The following TOX3 variants were observed in gnomAD, a reference collection of about 807,000 sequenced individuals.
TOX3 encodes the protein CAG trinucleotide repeat-containing gene F9 protein.
A neutral mutation model predicts 64.3 loss-of-function variants in TOX3; 22 were observed. The observed-to-expected ratio is 0.34, with a 90% CI of 0.24 to 0.49. The LOEUF (loss-of-function observed/expected upper bound fraction) is 0.49. TOX3 is among the 20% of genes least tolerant of loss of function. The pLI is 0.99. For missense variants in TOX3, 661 were observed against 714.4 expected (o/e 0.93, Z 0.85); for synonymous variants, 291 against 273.6 (o/e 1.06, Z -0.63).
intron 1 of TOX3, among the ~76,000 whole-genome samples, chr16:52,488,033 C>A (rs1221076247): frequency 6.6e-6 from 1 of 152,188 alleles, no homozygotes; most frequent in Admixed American, 6.5e-5. Flanking sequence ...CAAAGGGAAA[C>A]TTCCAAGTGC....
intron 3 of TOX3, among the ~76,000 whole-genome samples, chr16:52,453,290 T>A (rs1487166247): frequency 6.6e-6 from 1 of 151,942 alleles, no homozygotes. Context: ...TTCAAGTGAT[T>A]CTCCTTCCTT....
At chr16:52,473,612 G>T (rs1413552075) in intron 1 of TOX3, among the ~76,000 whole-genome samples, 1 of 152,166 alleles carries the variant, frequency 6.6e-6, no homozygotes, top group Non-Finnish European at 1.5e-5. Flanking sequence ...GATCATCAAG[G>T]TTCAACCATT....
In TOX3 at chr16:52,442,503, A is replaced by AT. The variant is rs972599244; in HGVS notation, c.987+1772dup. On this transcript the variant is annotated intron_variant, in intron 6 of 6. Coordinates refer to ENST00000219746, the MANE Select transcript of TOX3 (RefSeq NM_001080430.4). ...CTTTCAGTTATTCTAACATGATGTG[A>AT]TTTTCAGTCCTCACTATCGTGGAGG... Among the ~76,000 whole-genome samples the AT allele has an allele frequency of 3.9e-5, 6 of 152,240 alleles. No homozygotes were observed. In the East Asian group the frequency reaches 9.6e-4, roughly 24 times the overall value.
In TOX3 at chr16:52,547,078, C is replaced by G; in HGVS notation, c.-355G>C. The G allele has an allele frequency of 2.1e-6, 1 of 468,366 alleles. No homozygotes were observed. The highest frequency in any genetic ancestry group is 2.8e-6 in the Non-Finnish European group (1 of 359,590). 29.0% of individuals were successfully genotyped at this position (468,366 alleles called of 1,614,324 possible). A position where few individuals can be genotyped will look rare whatever the true frequency, so the allele number is the denominator to read the frequency against. On this transcript the variant is annotated 5_prime_UTR_variant, in exon 1 of 7. Transcript: ENST00000219746. ...CTGGGCGAGGCTGGGACGGCGGCGG[C>G]GGCGGCGGCTGGCCCCGCTCCTCCT...
intron 1 of TOX3, among the ~76,000 whole-genome samples, chr16:52,540,746 T>G (rs1161695460): frequency 6.6e-6 from 1 of 152,132 alleles, no homozygotes; most frequent in African/African-American, 2.4e-5. Flanking sequence ...ATTTTGTGTG[T>G]TTTCATGTGA....
chr16:52,438,918 A>G lies in TOX3; in HGVS notation c.*307T>C, dbSNP rs759514266. On this transcript the variant is annotated 3_prime_UTR_variant, in exon 7 of 7. Coordinates refer to ENST00000219746, the MANE Select transcript of TOX3 (RefSeq NM_001080430.4). ...GAGAGGCCAGTTTATAGTCATCAGT[A>G]TGTCCCAGGATTCATTAAACAGTTT... 6 of 549,908 alleles carry G rather than the reference A, an allele frequency of 1.1e-5. No homozygotes were observed. In the East Asian group the frequency reaches 3.0e-4, roughly 27 times the overall value. 34.1% of individuals were successfully genotyped at this position (549,908 alleles called of 1,614,324 possible).
At chr16:52,450,593 T>C (rs1960309893) in intron 3 of TOX3, 47 bp from the exon 4 acceptor site, 1 of 1,609,696 alleles carries the variant, frequency 6.2e-7, no homozygotes, top group African/African-American at 1.3e-5. Context: ...CTTTTCCAGA[T>C]ATCAGTGAAC....
intron 1 of TOX3, among the ~76,000 whole-genome samples, chr16:52,500,275 A>G: frequency 6.6e-6 from 1 of 152,214 alleles, no homozygotes; most frequent in East Asian, 1.9e-4. Flanking sequence ...TGATTGGAGC[A>G]AAAACCAAAG....
intron 1 of TOX3, among the ~76,000 whole-genome samples, chr16:52,517,277 C>T (rs1035491710): frequency 2.0e-5 from 3 of 152,168 alleles, no homozygotes; most frequent in Non-Finnish European, 4.4e-5. Context: ...CCCGTGGTTC[C>T]CAGAGCCTTC....
At chr16:52,492,594 T>TATATATATATATATATATATAC (rs1596823340) in intron 1 of TOX3, among the ~76,000 whole-genome samples, 1 of 138,146 alleles carries the variant, frequency 7.2e-6, no homozygotes, top group Non-Finnish European at 1.5e-5. Context: ...TATATATATA[T>TATATATATATATATATATATAC]TCCTTAATTT....
chr16:52,444,500 C>CACAA, intron 5 of TOX3, 144 bp from the exon 6 acceptor site: 2 of 130,398 alleles, frequency 1.5e-5, no homozygotes, highest in Non-Finnish European at 2.5e-5. Flanking sequence ...TTAGCGCATG[C>CACAA]ACACACACAC....
chr16:52,460,691 T>C (rs1960661419), intron 3 of TOX3, among the ~76,000 whole-genome samples: 1 of 151,254 alleles, frequency 6.6e-6, no homozygotes, highest in South Asian at 2.1e-4. Context: ...TACAGCTACC[T>C]GCAGAATTAA....
chr16:52,546,532 A>G, intron 1 of TOX3, 105 bp downstream of exon 1: 1 of 1,021,844 alleles, frequency 9.8e-7, no homozygotes, highest in Non-Finnish European at 1.4e-6. Context: ...ACATGGGAGG[A>G]AAGAGGCCAA....
chr16:52,449,471 C>T (rs1358863705), intron 4 of TOX3, among the ~76,000 whole-genome samples: 1 of 152,154 alleles, frequency 6.6e-6, no homozygotes, highest in Non-Finnish European at 1.5e-5. Flanking sequence ...TCAAATCACT[C>T]TCCCAAGCAG....
In TOX3 at chr16:52,457,885, A is replaced by T. The variant is rs147436479; in HGVS notation, c.408+6049T>A. ...ACTACTCTCAGGGTTGTAATCAGACATACCTACCCATGAAAGTTTTGTAAA... is the reference window on the plus strand; with the variant it reads ...ACTACTCTCAGGGTTGTAATCAGACTTACCTACCCATGAAAGTTTTGTAAA... On this transcript the variant is annotated intron_variant, in intron 3 of 6. Transcript: ENST00000219746. Among the ~76,000 whole-genome samples the T allele has an allele frequency of 1.2e-4, 18 of 152,300 alleles. No individual in the cohort carries two copies. In the East Asian group the frequency reaches 3.5e-3, roughly 29 times the overall value.
chr16:52,544,810 T>C (rs574810456), intron 1 of TOX3, among the ~76,000 whole-genome samples: 1 of 152,326 alleles, frequency 6.6e-6, no homozygotes, highest in South Asian at 2.1e-4. Context: ...TCCCTTGAAG[T>C]ACCCTTGGGA....
chr16:52,523,046 G>T (rs1011821506), intron 1 of TOX3, among the ~76,000 whole-genome samples: 4 of 152,192 alleles, frequency 2.6e-5, no homozygotes, highest in Non-Finnish European at 4.4e-5. Flanking sequence ...AAGGCAGAGG[G>T]AATGTTGAAT....
intron 1 of TOX3, among the ~76,000 whole-genome samples, chr16:52,477,136 C>T (rs1335890942): frequency 6.6e-6 from 1 of 152,052 alleles, no homozygotes; most frequent in Non-Finnish European, 1.5e-5. Flanking sequence ...AGAAGGCAGA[C>T]AGAGGGAGAG....
At chr16:52,516,257 G>C (rs1040786388) in intron 1 of TOX3, among the ~76,000 whole-genome samples, 102 of 152,150 alleles carry the variant, frequency 6.7e-4, no homozygotes, top group Middle Eastern at 3.4e-3. Context: ...TCAAATTTCA[G>C]AAACTAGGTC....
Sources: allele counts gnomAD v4.1 joint callset (sites outside exome capture counted in the v4.1 genomes callset), GRCh38; gene constraint gnomAD v4.1.1; transcripts MANE v1.5; gene names NCBI Gene and HGNC (gene_info 2026-07-23, HGNC 2026-07-21).